The following LCP2 variants were observed in gnomAD, a reference collection of about 807,000 sequenced individuals.
LCP2 encodes lymphocyte cytosolic protein 2.
In LCP2, 29 loss-of-function variants were observed where a neutral mutation model predicts 74.5. The observed-to-expected ratio is 0.39, with a 90% CI of 0.29 to 0.53. The LOEUF is 0.53. Among genes scored for constraint, LCP2 ranks in the 20% least tolerant of loss-of-function variants. The pLI, the probability that LCP2 is intolerant of heterozygous loss-of-function variation, is 0.72. For missense variants in LCP2, 604 were observed against 634.6 expected (o/e 0.95, Z 0.52); for synonymous variants, 228 against 229.5 (o/e 0.99, Z 0.06).
intron 5 of LCP2, among the ~76,000 whole-genome samples, 167 bp from the exon 6 acceptor site, chr5:170,274,505 G>A (rs182060264): frequency 7.2e-5 from 11 of 152,226 alleles, no homozygotes; most frequent in Admixed American, 5.9e-4. Context: ...CAGCTCCAGC[G>A]ACCCTGCCCA....
chr5:170,274,423 C>A (rs1761950399), intron 5 of LCP2, 85 bp from the exon 6 acceptor site: 1 of 1,368,780 alleles, frequency 7.3e-7, no homozygotes, highest in African/African-American at 1.4e-5. Context: ...CATCTGATGC[C>A]TTCCCTCACC....
rs1408463586 is a variant in LCP2, at chr5:170,258,022, G to A, written c.1100+15C>T. ...ACATTATATTAAGCTAGAATTTCAT[G>A]ACAGAGCTACAAACCTTTCTGAGAA... On this transcript the variant is annotated intron_variant, in intron 16 of 20. Transcript: ENST00000046794. 15 of 1,613,048 alleles carry A rather than the reference G, an allele frequency of 9.3e-6. No individual in the cohort carries two copies. In the South Asian group the frequency reaches 1.3e-4, roughly 14 times the overall value.
At chr5:170,277,873 G>C (rs185048732) in intron 3 of LCP2, among the ~76,000 whole-genome samples, 12 of 152,012 alleles carry the variant, frequency 7.9e-5, no homozygotes, top group Admixed American at 6.5e-4. Flanking sequence ...GGAGGGAAAG[G>C]TTTACTCTCT....
chr5:170,266,857 A>C lies in LCP2; in HGVS notation c.723T>G (p.Pro241=), dbSNP rs1398070316. ...ACGGAGCTAATGAACGATCTAGGGG[A>C]GGTTTCGTGCTTCTGTCTATTGAAG... ...PAPSIDRSTK[P]PLDRSLAPFD... is the part of the protein sequence containing the mutation. Residue 241 remains proline, a synonymous_variant, in exon 10 of 21, where the codon CCT becomes CCG. Coordinates refer to ENST00000046794, the MANE Select transcript of LCP2 (RefSeq NM_005565.5). 1 of 1,613,280 alleles carries C rather than the reference A, an allele frequency of 6.2e-7. No individual in the cohort carries two copies. Among genetic ancestry groups the C allele is most frequent in the South Asian group, 1.1e-5 (1 of 91,052 alleles).
chr5:170,268,678 G>A (rs546189793), intron 7 of LCP2, among the ~76,000 whole-genome samples, 196 bp from the exon 8 acceptor site: 9 of 151,832 alleles, frequency 5.9e-5, no homozygotes, highest in Admixed American at 2.0e-4. Flanking sequence ...CCTAGTTTGT[G>A]TCACTCTCCT....
In LCP2 at chr5:170,262,608, C is replaced by A. The variant is rs1185527079; in HGVS notation, c.926+27G>T. On this transcript the variant is annotated intron_variant, in intron 13 of 20. Transcript: ENST00000046794. ...CCTGTCTGCCGGCCACTGTGAGTGA[C>A]AAGCTCAAGCAACACCAGACAATTA... The A allele has an allele frequency of 2.6e-6, 4 of 1,555,976 alleles. No individual in the cohort carries two copies. The Admixed American group carries it at 5.2e-5, about 20-fold the overall frequency.
intron 6 of LCP2, among the ~76,000 whole-genome samples, chr5:170,273,526 C>G (rs1761932720): frequency 1.3e-5 from 2 of 152,218 alleles, no homozygotes; most frequent in South Asian, 4.1e-4. Context: ...GCCCACGTGA[C>G]TGAGGGTCTG....
chr5:170,250,591 C>T, intron 20 of LCP2, 139 bp downstream of exon 20: 1 of 666,102 alleles, frequency 1.5e-6, no homozygotes, highest in Non-Finnish European at 2.7e-6. Flanking sequence ...ATTTCTCTTC[C>T]AATAAATGAA....
chr5:170,252,673 T>C (rs1761472114), intron 18 of LCP2, 162 bp from the exon 19 acceptor site: 1 of 567,622 alleles, frequency 1.8e-6, no homozygotes. Context: ...TAGCTGGGGC[T>C]AAATAGAAGA....
intron 6 of LCP2, 71 bp from the exon 7 acceptor site, chr5:170,270,988 C>A (rs1030093861): frequency 4.1e-5 from 54 of 1,328,818 alleles, no homozygotes; most frequent in Admixed American, 1.3e-4. Context: ...TGTGCCTACT[C>A]TCTCCCTGCC....
rs569954835 is a variant in LCP2, at chr5:170,256,085, A to G, written c.1150+441T>C. Reference sequence around the variant, plus strand: ...TCTGAGGATTCCGTAGGGAAACCGGAGCTGGAGGAATAGTTCTGCACAGGA... The same window carrying G: ...TCTGAGGATTCCGTAGGGAAACCGGGGCTGGAGGAATAGTTCTGCACAGGA... On this transcript the variant is annotated intron_variant, in intron 17 of 20. Transcript: ENST00000046794. This position sits in a 1 kb window ranked among gnomAD's most constrained non-coding sequence, Gnocchi z 4.5. Among the ~76,000 whole-genome samples, 1 of 152,318 alleles carries G rather than the reference A, an allele frequency of 6.6e-6. No homozygotes were observed. The highest frequency in any genetic ancestry group is 1.9e-4 in the East Asian group (1 of 5,192).
intron 10 of LCP2, among the ~76,000 whole-genome samples, chr5:170,265,688 C>T (rs79613995): frequency 0.012 from 1,825 of 152,200 alleles, 26 homozygotes; most frequent in South Asian, 0.066. Flanking sequence ...TGATGTAGTT[C>T]GGGGAAAGAG....
chr5:170,278,770 G>C (rs1762054174), intron 3 of LCP2, among the ~76,000 whole-genome samples: 3 of 152,094 alleles, frequency 2.0e-5, no homozygotes, highest in African/African-American at 7.2e-5. Context: ...GGCTCGAATT[G>C]GGTGAGGAAG....
intron 3 of LCP2, among the ~76,000 whole-genome samples, chr5:170,281,065 C>T (rs1178239122): frequency 2.0e-5 from 3 of 152,120 alleles, no homozygotes; most frequent in Non-Finnish European, 4.4e-5. Context: ...TCTAAAGGCA[C>T]GTGACCAGCA....
At chr5:170,284,959 C>T (rs1311881506) in intron 3 of LCP2, among the ~76,000 whole-genome samples, 2 of 152,104 alleles carry the variant, frequency 1.3e-5, no homozygotes, top group African/African-American at 4.8e-5. Context: ...TCATGTTGGC[C>T]AGGCTGGTCT....
intron 16 of LCP2, among the ~76,000 whole-genome samples, chr5:170,257,301 C>T (rs1761571025): frequency 1.3e-5 from 2 of 152,128 alleles, no homozygotes; most frequent in African/African-American, 4.8e-5. Flanking sequence ...GGGAGAAGAG[C>T]AGCAGAAACT....
At position 170,267,010 on chromosome 5, in the gene LCP2, C is replaced by A; in HGVS notation, c.687G>T (p.Lys229Asn). The change falls in exon 9 of 21, where the codon AAG (lysine) becomes AAT (asparagine). Residue 229 changes from lysine (K) to asparagine (N), a missense_variant and splice_region_variant. Physicochemically the swap from Lys to Asn is moderately conservative, Grantham distance 94. Coordinates refer to ENST00000046794, the MANE Select transcript of LCP2 (RefSeq NM_005565.5). Reference protein sequence around the residue: ...PSRSRNHKTAKLPAPSIDRST... With the variant: ...PSRSRNHKTANLPAPSIDRST... ...AGAGAGAGCAGCCCTTGTACTCACG[C>A]TTTGCCGTTTTGTGGTTTCTGCTTC... is the stretch of plus-strand genomic sequence containing the variant. 1 of 1,613,910 alleles carries A rather than the reference C, an allele frequency of 6.2e-7. No homozygotes were observed. Among genetic ancestry groups the A allele is most frequent in the South Asian group, 1.1e-5 (1 of 91,084 alleles).
intron 7 of LCP2, chr5:170,270,481 C>G (rs924008454): frequency 2.1e-6 from 1 of 469,272 alleles, no homozygotes; most frequent in East Asian, 3.8e-5. Flanking sequence ...TCTTAGTAGT[C>G]CTCACAGGAA....
intron 14 of LCP2, among the ~76,000 whole-genome samples, chr5:170,259,368 G>T (rs1317570518): frequency 6.6e-6 from 1 of 152,132 alleles, no homozygotes; most frequent in Non-Finnish European, 1.5e-5. Context: ...GCTCTCTTTT[G>T]CAATGGCCAC....
Sources: gnomAD v4.1 joint callset for allele counts (sites outside exome capture counted in the v4.1 genomes callset) on GRCh38, gnomAD v4.1.1 for gene constraint, Gnocchi (gnomAD v3.1) non-coding constraint, MANE v1.5 for transcripts, NCBI Gene and HGNC (gene_info 2026-07-23, HGNC 2026-07-21) for gene names.